Variants in NKAIN2 observed in about 807,000 individuals in gnomAD.
The protein encoded by NKAIN2 is sodium/potassium transporting ATPase interacting 2, also known as sodium/potassium-transporting ATPase subunit beta-1-interacting protein 2.
NKAIN2 carries 14 observed loss-of-function variants against 32.6 expected under a neutral mutation model. That is an observed-to-expected ratio of 0.43 (90% CI 0.28 to 0.67). The LOEUF (loss-of-function observed/expected upper bound fraction) is 0.67. NKAIN2 is among the 30% of genes least tolerant of loss of function. The probability of loss-of-function intolerance (pLI) is 0.17; values close to 1 mark genes in which losing one functional copy is unlikely to be tolerated. For synonymous variants in NKAIN2, 80 were observed against 87.2 expected (o/e 0.92, Z 0.46); for missense variants, 198 against 258.3 (o/e 0.77, Z 1.60).
chr6:124,430,970 C>T (rs892665506), intron 3 of NKAIN2, among the ~76,000 whole-genome samples: 1 of 152,166 alleles, frequency 6.6e-6, no homozygotes, highest in African/African-American at 2.4e-5. Flanking sequence ...TAGAACTGCT[C>T]ATGTCTTGCT....
intron 2 of NKAIN2, among the ~76,000 whole-genome samples, chr6:124,351,982 A>T (rs989683810): frequency 6.6e-6 from 1 of 152,206 alleles, no homozygotes; most frequent in Non-Finnish European, 1.5e-5. Flanking sequence ...TAATAAAATG[A>T]CAACATATAG....
At chr6:124,267,281 A>T (rs577945630) in intron 1 of NKAIN2, among the ~76,000 whole-genome samples, 3 of 152,264 alleles carry the variant, frequency 2.0e-5, no homozygotes, top group Admixed American at 1.3e-4. Context: ...TTCATGAAAG[A>T]TATCAAAAAT....
intron 2 of NKAIN2, among the ~76,000 whole-genome samples, chr6:124,339,418 G>T (rs570960320): frequency 2.6e-5 from 4 of 152,184 alleles, no homozygotes; most frequent in African/African-American, 4.8e-5. Flanking sequence ...GAAATCTGTA[G>T]CAATGAGCAG....
At chr6:123,836,918 A>C (rs73563583) in intron 1 of NKAIN2, among the ~76,000 whole-genome samples, 8,044 of 152,224 alleles carry the variant, frequency 0.053, 293 homozygotes, top group African/African-American at 0.11. Context: ...CTTATTTCTC[A>C]TTCCCCACAA....
chr6:123,882,123 C>T (rs959655178), intron 1 of NKAIN2, among the ~76,000 whole-genome samples: 8 of 152,020 alleles, frequency 5.3e-5, no homozygotes, highest in East Asian at 1.9e-4. Context: ...TCTGTTAGGA[C>T]CAACCTCCGC....
At chr6:123,841,976 A>G (rs1211159033) in intron 1 of NKAIN2, among the ~76,000 whole-genome samples, 1 of 152,140 alleles carries the variant, frequency 6.6e-6, no homozygotes, top group Non-Finnish European at 1.5e-5. Flanking sequence ...ACTGTTGGAT[A>G]CTGTTAGTAG....
At chr6:124,183,153 TCAGAGACCCCATTTTTG>T (rs1325751878) in intron 1 of NKAIN2, among the ~76,000 whole-genome samples, 1 of 152,064 alleles carries the variant, frequency 6.6e-6, no homozygotes, top group Non-Finnish European at 1.5e-5. Flanking sequence ...GGTTAAGCAA[TCAGAGACCCCATTTTTG>T]CAGGTCTCAA....
intron 1 of NKAIN2, among the ~76,000 whole-genome samples, chr6:124,034,623 T>C (rs1053064873): frequency 6.6e-6 from 1 of 152,096 alleles, no homozygotes; most frequent in African/African-American, 2.4e-5. Flanking sequence ...TCTTTTCCTT[T>C]GAGTAGATAC....
intron 1 of NKAIN2, among the ~76,000 whole-genome samples, chr6:124,127,940 C>T (rs1786265551): frequency 6.6e-6 from 1 of 152,272 alleles, no homozygotes; most frequent in Middle Eastern, 3.4e-3. Flanking sequence ...GATTCTCCTA[C>T]CTCACACTCC....
intron 1 of NKAIN2, among the ~76,000 whole-genome samples, chr6:124,145,536 C>T (rs1787357146): frequency 6.6e-6 from 1 of 151,920 alleles, no homozygotes; most frequent in Non-Finnish European, 1.5e-5. Context: ...GACAGAGTCT[C>T]ACTCTGTCAC....
intron 1 of NKAIN2, among the ~76,000 whole-genome samples, chr6:124,223,864 TC>T (rs1791963677): frequency 6.6e-6 from 1 of 152,170 alleles, no homozygotes; most frequent in African/African-American, 2.4e-5. Flanking sequence ...AATATAGAGA[TC>T]TGCATAGTAA....
At chr6:124,555,541 C>A (rs889472044) in intron 3 of NKAIN2, among the ~76,000 whole-genome samples, 1 of 152,148 alleles carries the variant, frequency 6.6e-6, no homozygotes, top group Non-Finnish European at 1.5e-5. Flanking sequence ...TTCCCTTTCT[C>A]TAAATTATGG....
chr6:124,309,688 A>G (rs774831216), intron 2 of NKAIN2, among the ~76,000 whole-genome samples: 4 of 152,062 alleles, frequency 2.6e-5, no homozygotes, highest in Non-Finnish European at 5.9e-5. Flanking sequence ...TGTCATCTCA[A>G]TTGTAAGTGG....
intron 3 of NKAIN2, among the ~76,000 whole-genome samples, chr6:124,369,768 TCA>T (rs1799671864): frequency 6.6e-6 from 1 of 151,916 alleles, no homozygotes; most frequent in East Asian, 1.9e-4. Context: ...GATGGCTGTG[TCA>T]AAATCACCGC....
chr6:123,878,521 CT>C (rs1396111860), intron 1 of NKAIN2, among the ~76,000 whole-genome samples: 1 of 151,968 alleles, frequency 6.6e-6, no homozygotes, highest in Non-Finnish European at 1.5e-5. Context: ...TCTTTTCTTG[CT>C]TTCCTTTTTT....
chr6:124,176,043 C>T (rs1789139552), intron 1 of NKAIN2, among the ~76,000 whole-genome samples: 1 of 152,130 alleles, frequency 6.6e-6, no homozygotes, highest in Non-Finnish European at 1.5e-5. Context: ...TCCAGACTAT[C>T]ACAATAAAGG....
At chr6:124,070,802 G>T (rs748485016) in intron 1 of NKAIN2, among the ~76,000 whole-genome samples, 4 of 152,016 alleles carry the variant, frequency 2.6e-5, no homozygotes, top group Non-Finnish European at 5.9e-5. Flanking sequence ...AATAACCAAA[G>T]CAATCCTAAG....
intron 3 of NKAIN2, among the ~76,000 whole-genome samples, chr6:124,407,543 T>G (rs1195096797): frequency 5.3e-5 from 8 of 152,026 alleles, no homozygotes; most frequent in South Asian, 4.2e-4. Flanking sequence ...TTTTATGGCT[T>G]CATAGTATTC....
At chr6:124,489,669 A>T (rs552766265) in intron 3 of NKAIN2, among the ~76,000 whole-genome samples, 1 of 151,826 alleles carries the variant, frequency 6.6e-6, no homozygotes, top group Non-Finnish European at 1.5e-5. Flanking sequence ...TTGTATGGGT[A>T]CTCAAAGTAC....
Sources: allele counts gnomAD v4.1 joint callset (sites outside exome capture counted in the v4.1 genomes callset), GRCh38; gene constraint gnomAD v4.1.1; transcripts MANE v1.5; gene names NCBI Gene and HGNC (gene_info 2026-07-23, HGNC 2026-07-21).